The following NAALADL2 variants were observed in gnomAD, a reference collection of about 807,000 sequenced individuals.
The protein encoded by NAALADL2 is N-acetylated alpha-linked acidic dipeptidase like 2.
A neutral mutation model predicts 87.2 loss-of-function variants in NAALADL2; 76 were observed. The observed-to-expected ratio is 0.87, with a 90% confidence interval of 0.72 to 1.05. The LOEUF (loss-of-function observed/expected upper bound fraction) is 1.05, where lower values mean the gene tolerates loss of function less well. NAALADL2 is among the 50% of genes least tolerant of loss of function. The pLI, the probability that NAALADL2 is intolerant of heterozygous loss-of-function variation, is 0.00. For missense variants in NAALADL2, 1,089 were observed against 945.8 expected (o/e 1.15, Z -1.99); for synonymous variants, 354 against 331.0 (o/e 1.07, Z -0.75).
At chr3:175,662,999 A>G (rs1407794983) in intron 11 of NAALADL2, among the ~76,000 whole-genome samples, 4 of 151,600 alleles carry the variant, frequency 2.6e-5, no homozygotes, top group African/African-American at 9.7e-5. Flanking sequence ...TGATTTTGGT[A>G]TCAGGGTTAA....
At chr3:174,811,415 G>A (rs1720192257) in intron 3 of NAALADL2, among the ~76,000 whole-genome samples, 1 of 152,154 alleles carries the variant, frequency 6.6e-6, no homozygotes. Context: ...AGTATGCCCT[G>A]GATGTGAGAC....
chr3:175,779,572 T>C (rs1360149786), intron 13 of NAALADL2, among the ~76,000 whole-genome samples: 2 of 152,230 alleles, frequency 1.3e-5, no homozygotes, highest in South Asian at 2.1e-4. Flanking sequence ...CCTCACACTA[T>C]GCTTTCAAGT....
intron 1 of NAALADL2, among the ~76,000 whole-genome samples, chr3:174,534,948 G>A (rs2108449924): frequency 6.6e-6 from 1 of 152,262 alleles, no homozygotes; most frequent in East Asian, 1.9e-4. Context: ...AAAATATATT[G>A]ATTTAACTGG....
At chr3:175,142,258 A>G (rs1450900138) in intron 2 of NAALADL2, among the ~76,000 whole-genome samples, 2 of 152,212 alleles carry the variant, frequency 1.3e-5, no homozygotes, top group African/African-American at 4.8e-5. Context: ...AGATTAACAA[A>G]TGCCATTGTT....
Position 174,736,168 on chromosome 3 carries a change from G to A in NAALADL2, c.-114-1473G>A, listed in dbSNP as rs1183024865. Among the ~76,000 whole-genome samples, 6 of 152,038 alleles carry A rather than the reference G, an allele frequency of 3.9e-5. No homozygotes were observed. The East Asian group carries it at 7.8e-4, about 20-fold the overall frequency. On this transcript the variant is annotated intron_variant, in intron 2 of 3. Transcript: ENST00000434257. ...AGAGAGTGTCACAGCCCTGGCTCAG[G>A]GAGTTCCTAGGTCTAGGAGGTCCAC...
chr3:175,584,589 A>G (rs1057219153), intron 10 of NAALADL2, among the ~76,000 whole-genome samples: 11 of 152,352 alleles, frequency 7.2e-5, no homozygotes, highest in African/African-American at 2.6e-4. Flanking sequence ...TTGTGTAAAC[A>G]TCATGGAGTG....
chr3:174,582,160 A>C (rs954942656), intron 2 of NAALADL2, among the ~76,000 whole-genome samples: 1 of 152,310 alleles, frequency 6.6e-6, no homozygotes, highest in Non-Finnish European at 1.5e-5. Flanking sequence ...CTTTGGACTT[A>C]GTAGTTAGGT....
chr3:175,675,476 A>C (rs904898301), intron 11 of NAALADL2: 8 of 152,360 alleles, frequency 5.3e-5, no homozygotes, highest in African/African-American at 1.7e-4. Context: ...GATTGGCTTC[A>C]TAAAACAGAG....
intron 3 of NAALADL2, among the ~76,000 whole-genome samples, chr3:174,757,452 G>C (rs540320431): frequency 6.6e-6 from 1 of 152,026 alleles, no homozygotes; most frequent in South Asian, 2.1e-4. Flanking sequence ...GAGATGCTTT[G>C]GTTTTCCTCA....
intron 1 of NAALADL2, among the ~76,000 whole-genome samples, chr3:175,003,737 A>T (rs1271617275): frequency 6.6e-6 from 1 of 152,240 alleles, no homozygotes; most frequent in Non-Finnish European, 1.5e-5. Context: ...GTAGTGAAAT[A>T]GTTCTGAATC....
intron 13 of NAALADL2, among the ~76,000 whole-genome samples, chr3:175,788,703 G>A (rs1037345836): frequency 5.9e-5 from 9 of 152,050 alleles, no homozygotes; most frequent in East Asian, 3.9e-4. Context: ...AATTTTAAGC[G>A]CTAGCCATTA....
chr3:174,904,505 T>G (rs527408081), intron 1 of NAALADL2, among the ~76,000 whole-genome samples: 1 of 152,030 alleles, frequency 6.6e-6, no homozygotes, highest in Non-Finnish European at 1.5e-5. Context: ...TATACATTAC[T>G]AGCAATTCTA....
chr3:174,592,074 G>T (rs1717416801), intron 2 of NAALADL2, among the ~76,000 whole-genome samples: 1 of 151,996 alleles, frequency 6.6e-6, no homozygotes, highest in Admixed American at 6.6e-5. Flanking sequence ...CATGAAATAG[G>T]TATAATAGAA....
At chr3:175,372,476 A>C (rs957834461) in intron 5 of NAALADL2, among the ~76,000 whole-genome samples, 1 of 152,198 alleles carries the variant, frequency 6.6e-6, no homozygotes, top group African/African-American at 2.4e-5. Flanking sequence ...CAGTGTCTTG[A>C]AGATATTAGA....
chr3:175,305,981 TAAAA>T (rs1441672327), intron 4 of NAALADL2, among the ~76,000 whole-genome samples: 1 of 152,124 alleles, frequency 6.6e-6, no homozygotes, highest in Non-Finnish European at 1.5e-5. Flanking sequence ...ATTTTTTTGA[TAAAA>T]AACATATTGC....
chr3:175,496,925 T>C (rs1728899127), intron 9 of NAALADL2, among the ~76,000 whole-genome samples: 1 of 152,112 alleles, frequency 6.6e-6, no homozygotes, highest in African/African-American at 2.4e-5. Flanking sequence ...ACACAGAGTA[T>C]TTTATTTAAT....
At chr3:174,925,163 G>A (rs1204106818) in intron 1 of NAALADL2, among the ~76,000 whole-genome samples, 1 of 152,038 alleles carries the variant, frequency 6.6e-6, no homozygotes, top group African/African-American at 2.4e-5. Flanking sequence ...TGTTATGAAT[G>A]GTGTTGCCTA....
At chr3:175,693,714 CGT>C (rs2149927245) in intron 11 of NAALADL2, among the ~76,000 whole-genome samples, 1 of 152,068 alleles carries the variant, frequency 6.6e-6, no homozygotes, top group African/African-American at 2.4e-5. Context: ...TTGGTTTGTT[CGT>C]TTTGACAGAG....
chr3:174,656,489 G>C (rs975477958), intron 2 of NAALADL2, among the ~76,000 whole-genome samples: 4 of 152,242 alleles, frequency 2.6e-5, no homozygotes, highest in African/African-American at 9.6e-5. Context: ...TTCTCAAATG[G>C]AGAAGTGTCA....
Sources: allele counts gnomAD v4.1 joint callset (sites outside exome capture counted in the v4.1 genomes callset), GRCh38; gene constraint gnomAD v4.1.1; transcripts MANE v1.5; gene names NCBI Gene and HGNC (gene_info 2026-07-23, HGNC 2026-07-21).